The following STAU2 variants were observed in gnomAD, a reference collection of about 807,000 sequenced individuals.
STAU2 encodes the protein double-stranded RNA-binding protein Staufen homolog 2.
In STAU2, 20 loss-of-function variants were observed where a neutral mutation model predicts 65.9. The ratio of observed to expected loss-of-function variants is 0.30; its 90% CI spans 0.21 to 0.44. The LOEUF (loss-of-function observed/expected upper bound fraction) is 0.44, where lower values mean the gene tolerates loss of function less well. Ranked by LOEUF, STAU2 falls within the 20% of genes least tolerant of loss-of-function variation. STAU2 has a pLI of 1.00. For missense variants in STAU2, 558 were observed against 683.9 expected, an observed-to-expected ratio of 0.82 and a Z score of 2.05; for synonymous variants, 232 against 233.9, an observed-to-expected ratio of 0.99 and a Z score of 0.07.
chr8:73,606,693 C>CTA (rs1237670072), intron 9 of STAU2, among the ~76,000 whole-genome samples: 1 of 152,128 alleles, frequency 6.6e-6, no homozygotes, highest in Non-Finnish European at 1.5e-5. Context: ...GACTATATAC[C>CTA]TACTAAATGA....
chr8:73,475,708 C>T (rs865900015), intron 13 of STAU2, among the ~76,000 whole-genome samples: 1 of 152,188 alleles, frequency 6.6e-6, no homozygotes, highest in South Asian at 2.1e-4. Flanking sequence ...TGGAAACAAT[C>T]ATGCTATGAT....
chr8:73,724,095 TC>T (rs1821871137), intron 3 of STAU2, among the ~76,000 whole-genome samples: 2 of 152,196 alleles, frequency 1.3e-5, no homozygotes, highest in Non-Finnish European at 2.9e-5. Flanking sequence ...ACTCTCTATG[TC>T]ACATCCTGGA....
intron 13 of STAU2, among the ~76,000 whole-genome samples, chr8:73,533,433 T>G (rs528098102): frequency 2.6e-5 from 4 of 152,354 alleles, no homozygotes; most frequent in South Asian, 4.1e-4. Flanking sequence ...GATGAGATAC[T>G]ATACTTGAGA....
intron 13 of STAU2, chr8:73,527,770 C>A (rs566097434): frequency 1.3e-6 from 2 of 1,536,576 alleles, no homozygotes; most frequent in Non-Finnish European, 1.7e-6. Context: ...ACAGGTCACA[C>A]ACTCTTTGCC....
chr8:73,681,691 A>T (rs2130470656), intron 5 of STAU2, among the ~76,000 whole-genome samples: 1 of 152,280 alleles, frequency 6.6e-6, no homozygotes, highest in South Asian at 2.1e-4. Flanking sequence ...GGCAGAATGG[A>T]TAAGAATTCA....
At chr8:73,698,982 A>G (rs908176651) in intron 4 of STAU2, among the ~76,000 whole-genome samples, 48 of 151,934 alleles carry the variant, frequency 3.2e-4, no homozygotes, top group African/African-American at 1.2e-3. Flanking sequence ...CTAAAATAAT[A>G]TCAAGCATCT....
chr8:73,667,278 T>C (rs1817309305), intron 6 of STAU2, among the ~76,000 whole-genome samples: 2 of 152,140 alleles, frequency 1.3e-5, no homozygotes, highest in African/African-American at 2.4e-5. Context: ...TCCTAAAACA[T>C]ATATCCAATT....
intron 12 of STAU2, among the ~76,000 whole-genome samples, chr8:73,571,261 C>T (rs1809063812): frequency 1.3e-5 from 2 of 151,908 alleles, no homozygotes; most frequent in African/African-American, 4.8e-5. Flanking sequence ...CCTTAGAGAC[C>T]TACAAAGAGA....
In STAU2 at chr8:73,622,846, C is replaced by T. The variant is rs28395447; in HGVS notation, c.411-5395G>A. 1.8e-3 allele frequency among the ~76,000 whole-genome samples: 280 copies of T among 152,320 alleles called. 1 individual carries two copies. Among genetic ancestry groups the T allele is most frequent in the South Asian group, 0.013 (61 of 4,824 alleles). On this transcript the variant is annotated intron_variant, in intron 6 of 14. Transcript: ENST00000524300. Reference sequence around the variant, plus strand: ...CAAAGTGAAACATCAAAATGAACAGCGTTGTGTGCCACATTACTTAACAGA... The same window carrying T: ...CAAAGTGAAACATCAAAATGAACAGTGTTGTGTGCCACATTACTTAACAGA...
At chr8:73,425,493 T>G (rs1227906738) in intron 13 of STAU2, among the ~76,000 whole-genome samples, 7 of 152,134 alleles carry the variant, frequency 4.6e-5, no homozygotes, top group Non-Finnish European at 1.0e-4. Flanking sequence ...GATCTTGAAC[T>G]TCTAGCCTCC....
intron 13 of STAU2, among the ~76,000 whole-genome samples, chr8:73,466,515 G>A (rs181962826): frequency 6.6e-6 from 1 of 152,294 alleles, no homozygotes; most frequent in African/African-American, 2.4e-5. Context: ...AGTGTCAAGA[G>A]GTTGGCGAAT....
intron 13 of STAU2, chr8:73,550,135 A>T: frequency 1.0e-6 from 1 of 985,434 alleles, no homozygotes; most frequent in Non-Finnish European, 1.2e-6. Context: ...AGCTCATTCA[A>T]CCAAAGAAGC....
At chr8:73,693,289 C>T (rs538781358) in intron 4 of STAU2, among the ~76,000 whole-genome samples, 7 of 151,978 alleles carry the variant, frequency 4.6e-5, no homozygotes, top group Non-Finnish European at 7.4e-5. Context: ...TTGGCTAACA[C>T]GGTGAAACCC....
chr8:73,640,574 T>A (rs1489868357), intron 6 of STAU2, among the ~76,000 whole-genome samples: 1 of 152,198 alleles, frequency 6.6e-6, no homozygotes, highest in East Asian at 1.9e-4. Context: ...ATGAGGGTGG[T>A]GGTGCTCCAA....
intron 6 of STAU2, among the ~76,000 whole-genome samples, chr8:73,619,138 A>C (rs1813047240): frequency 6.6e-6 from 1 of 152,134 alleles, no homozygotes; most frequent in African/African-American, 2.4e-5. Flanking sequence ...TTAAAGGCAT[A>C]ATATAATGAG....
chr8:73,661,471 T>C (rs1816829356), intron 6 of STAU2, among the ~76,000 whole-genome samples: 1 of 152,222 alleles, frequency 6.6e-6, no homozygotes, highest in Non-Finnish European at 1.5e-5. Context: ...AAAATTTACA[T>C]TTAATGAAAT....
At chr8:73,720,078 A>C (rs1821533206) in intron 3 of STAU2, among the ~76,000 whole-genome samples, 1 of 152,106 alleles carries the variant, frequency 6.6e-6, no homozygotes, top group Non-Finnish European at 1.5e-5. Flanking sequence ...GGAGTTGGAG[A>C]CCAGTCAGTA....
intron 13 of STAU2, among the ~76,000 whole-genome samples, chr8:73,532,676 G>T (rs1385250517): frequency 1.1e-4 from 17 of 152,134 alleles, no homozygotes; most frequent in Non-Finnish European, 2.4e-4. Context: ...TTTAAGCTCT[G>T]AAAAGAGACA....
intron 4 of STAU2, among the ~76,000 whole-genome samples, chr8:73,705,093 T>C (rs1054593095): frequency 2.6e-5 from 4 of 152,120 alleles, no homozygotes; most frequent in Admixed American, 2.0e-4. Context: ...TACTAAGGGG[T>C]TGTTTTAGTC....
Sources: allele counts gnomAD v4.1 joint callset (sites outside exome capture counted in the v4.1 genomes callset), GRCh38; gene constraint gnomAD v4.1.1; transcripts MANE v1.5; gene names NCBI Gene and HGNC (gene_info 2026-07-23, HGNC 2026-07-21).